The following TAFA2 variants were observed in gnomAD, a reference collection of about 807,000 sequenced individuals.
TAFA2 encodes the protein chemokine-like protein TAFA-2.
Under a neutral mutation model 18.8 loss-of-function variants are expected in TAFA2, and 7 were observed. The ratio of observed to expected loss-of-function variants is 0.37; its 90% CI spans 0.21 to 0.70. TAFA2 has a LOEUF of 0.70. TAFA2 is among the 30% of genes least tolerant of loss of function. TAFA2 has a pLI of 0.53. For missense variants in TAFA2, 122 were observed against 158.1 expected (o/e 0.77, Z 1.23); for synonymous variants, 60 against 54.2 (o/e 1.11, Z -0.47).
intron 1 of TAFA2, among the ~76,000 whole-genome samples, chr12:61,985,251 G>T (rs1332518256): frequency 6.6e-6 from 1 of 152,142 alleles, no homozygotes; most frequent in Non-Finnish European, 1.5e-5. Flanking sequence ...ATGGCCTAAA[G>T]ATTTTTGAAA....
chr12:61,846,213 G>A (rs1018427985), intron 2 of TAFA2, among the ~76,000 whole-genome samples: 10 of 152,136 alleles, frequency 6.6e-5, no homozygotes, highest in Non-Finnish European at 1.3e-4. Context: ...GTCACTGTAT[G>A]TCTGGTATAC....
intron 1 of TAFA2, among the ~76,000 whole-genome samples, chr12:62,121,756 A>C (rs1367202921): frequency 6.6e-6 from 1 of 152,206 alleles, no homozygotes; most frequent in African/African-American, 2.4e-5. Context: ...GGTTCAGGAG[A>C]TAGGACAGTG....
intron 1 of TAFA2, among the ~76,000 whole-genome samples, chr12:61,975,085 T>C (rs1879382048): frequency 6.6e-6 from 1 of 151,722 alleles, no homozygotes. Flanking sequence ...CACATATGCA[T>C]AGTGAAATGA....
intron 4 of TAFA2, among the ~76,000 whole-genome samples, chr12:61,740,665 T>C (rs1868403269): frequency 6.6e-6 from 1 of 151,932 alleles, no homozygotes; most frequent in African/African-American, 2.4e-5. Flanking sequence ...AACTCACTTG[T>C]AGCACTTAAA....
intron 4 of TAFA2, among the ~76,000 whole-genome samples, chr12:61,720,018 A>T (rs1417399797): frequency 6.6e-6 from 1 of 152,038 alleles, no homozygotes; most frequent in Non-Finnish European, 1.5e-5. Context: ...GCGATGTTTA[A>T]CATGTTGGGT....
chr12:62,061,705 C>T (rs1882352944), intron 1 of TAFA2, among the ~76,000 whole-genome samples: 1 of 152,148 alleles, frequency 6.6e-6, no homozygotes, highest in Non-Finnish European at 1.5e-5. Flanking sequence ...GTAGAGGCAC[C>T]ACATGAATAA....
chr12:61,794,796 C>A (rs1478382213), intron 2 of TAFA2, among the ~76,000 whole-genome samples: 1 of 151,932 alleles, frequency 6.6e-6, no homozygotes, highest in East Asian at 1.9e-4. Context: ...ACAGGCAACC[C>A]ACACAATGGG....
chr12:61,753,847 G>C, intron 3 of TAFA2, 101 bp from the exon 4 acceptor site: 1 of 1,014,496 alleles, frequency 9.9e-7, no homozygotes, highest in Non-Finnish European at 1.4e-6. Context: ...TTTCCTACCA[G>C]TGGGAATACA....
At chr12:62,257,845 A>T (rs2062947967) in intron 1 of TAFA2, among the ~76,000 whole-genome samples, 1 of 152,210 alleles carries the variant, frequency 6.6e-6, no homozygotes, top group African/African-American at 2.4e-5. Context: ...CTACTTAATT[A>T]TTCAGTAGGG....
At chr12:61,740,577 G>C (rs1868399815) in intron 4 of TAFA2, among the ~76,000 whole-genome samples, 1 of 151,700 alleles carries the variant, frequency 6.6e-6, no homozygotes, top group Non-Finnish European at 1.5e-5. Flanking sequence ...TGGCTTAATA[G>C]GTACAATGTA....
In TAFA2 at chr12:62,248,175, G is replaced by C. The variant is rs533772616; in HGVS notation, c.-130+10588C>G. Among the ~76,000 whole-genome samples the C allele has an allele frequency of 1.5e-3, 223 of 152,328 alleles. 2 individuals carry two copies. Among genetic ancestry groups the C allele is most frequent in the African/African-American group, 5.1e-3 (212 of 41,568 alleles). The stretch of plus-strand genomic sequence containing the variant: ...ACCACACATGAGCTGAAGAGGCCAG[G>C]CTTTGCCCAACTTTATCAGGTGTGG... On this transcript the variant is annotated intron_variant, in intron 1 of 5. Coordinates refer to the TAFA2 transcript ENST00000551619.
At chr12:61,842,118 T>C (rs932310887) in intron 2 of TAFA2, among the ~76,000 whole-genome samples, 4 of 151,932 alleles carry the variant, frequency 2.6e-5, no homozygotes, top group Non-Finnish European at 5.9e-5. Flanking sequence ...TTCAAAGCGG[T>C]ATAGAAAACA....
intron 1 of TAFA2, among the ~76,000 whole-genome samples, chr12:61,923,065 G>C (rs550188849): frequency 1.3e-5 from 2 of 152,162 alleles, no homozygotes; most frequent in African/African-American, 4.8e-5. Flanking sequence ...TCTGGGCAGG[G>C]CATCTCTGAA....
chr12:62,101,757 TACTAGCCAATGGTATAGC>T lies in TAFA2; in HGVS notation c.-2+89484_-2+89501del, dbSNP rs1229136869. ...TACTGAGTACCTACTCTAAGTCTAA[TACTAGCCAATGGTATAGC>T]ACTAGCCAATGGTATATTGAAATGA... On this transcript the variant is annotated intron_variant, in intron 1 of 4. Coordinates refer to ENST00000416284, the MANE Select transcript of TAFA2 (RefSeq NM_178539.5). Among the ~76,000 whole-genome samples, 4 of 152,344 alleles carry T rather than the reference TACTAGCCAATGGTATAGC, an allele frequency of 2.6e-5. No homozygotes were observed. In the East Asian group the frequency reaches 5.8e-4, roughly 22 times the overall value.
chr12:62,008,337 T>G (rs1256453216), intron 1 of TAFA2, among the ~76,000 whole-genome samples: 1 of 152,000 alleles, frequency 6.6e-6, no homozygotes, highest in Admixed American at 6.6e-5. Context: ...ATTACTGGAG[T>G]TGATTAAGTG....
chr12:62,033,028 C>T (rs1881502564), intron 1 of TAFA2, among the ~76,000 whole-genome samples: 1 of 151,998 alleles, frequency 6.6e-6, no homozygotes, highest in Non-Finnish European at 1.5e-5. Context: ...AAGGATCTGC[C>T]CTGCATGGAA....
At chr12:62,021,140 C>T (rs181816280) in intron 1 of TAFA2, among the ~76,000 whole-genome samples, 60 of 152,042 alleles carry the variant, frequency 3.9e-4, no homozygotes, top group African/African-American at 8.7e-4. Context: ...ATTATGGAGA[C>T]GAACAGAGAA....
At chr12:61,751,953 C>T (rs1000018807) in intron 4 of TAFA2, among the ~76,000 whole-genome samples, 2 of 151,838 alleles carry the variant, frequency 1.3e-5, no homozygotes, top group South Asian at 4.2e-4. Context: ...TAAAGGTCGA[C>T]CTCTTAAGAA....
chr12:62,017,705 T>C (rs1880984625), intron 1 of TAFA2, among the ~76,000 whole-genome samples: 2 of 152,182 alleles, frequency 1.3e-5, no homozygotes, highest in Admixed American at 1.3e-4. Context: ...CTCACTAAAG[T>C]ATGGTTCCTC....
Sources: gnomAD v4.1 joint callset for allele counts (sites outside exome capture counted in the v4.1 genomes callset) on GRCh38, gnomAD v4.1.1 for gene constraint, MANE v1.5 for transcripts, NCBI Gene and HGNC (gene_info 2026-07-23, HGNC 2026-07-21) for gene names.